Variants in PCSK4 observed in about 807,000 individuals in gnomAD.
PCSK4 encodes testicular tissue protein Li 135.
In PCSK4, 64 loss-of-function variants were observed where a neutral mutation model predicts 80.3. That is an observed-to-expected ratio of 0.80 (90% confidence interval 0.65 to 0.98). The LOEUF (loss-of-function observed/expected upper bound fraction) is 0.98, where lower values mean the gene tolerates loss of function less well. PCSK4 is among the 50% of genes least tolerant of loss of function. PCSK4 has a pLI of 0.00. For synonymous variants in PCSK4, 561 were observed against 487.6 expected (o/e 1.15, Z -1.98); for missense variants, 1,213 against 1,093.6 (o/e 1.11, Z -1.54).
Position 1,481,932 on chromosome 19 carries a change from C to A in PCSK4, c.2095G>T (p.Ala699Ser), listed in dbSNP as rs569257494. 10 of 1,595,620 alleles carry A rather than the reference C, an allele frequency of 6.3e-6. No individual in the cohort carries two copies. In the South Asian group the frequency reaches 9.0e-5, roughly 14 times the overall value. Reference sequence around the variant, plus strand: ...GCTGGGCAGCGGTGGTGGGGACAGGCGGCAGCTCTAAGCCGGGGGCGGCTG... The same window carrying A: ...GCTGGGCAGCGGTGGTGGGGACAGGAGGCAGCTCTAAGCCGGGGGCGGCTG... Residue 699 changes from alanine (A) to serine (S), a missense_variant, in exon 15 of 15, where the codon GCC becomes TCC. Coordinates refer to ENST00000300954, the Ensembl canonical transcript of PCSK4.
At chr19:1,483,623 T>G (rs1410924578) in intron 11 of PCSK4, 27 bp downstream of exon 11, 2 of 1,528,942 alleles carry the variant, frequency 1.3e-6, no homozygotes, top group Non-Finnish European at 1.8e-6. Flanking sequence ...CCAGCGGGGA[T>G]AGCGGAGGGG....
intron 14 of PCSK4, 43 bp downstream of exon 14, chr19:1,482,310 G>A (rs1462647572): frequency 1.3e-5 from 20 of 1,533,146 alleles, no homozygotes; most frequent in East Asian, 2.4e-5. Context: ...CACGGTGGCC[G>A]CCACCGCCTC....
At position 1,488,422 on chromosome 19, in the gene PCSK4, G is replaced by T. The variant is rs556094221; in HGVS notation, c.295-142C>A. On this transcript the variant is annotated intron_variant, in intron 2 of 14. Coordinates refer to ENST00000300954, the Ensembl canonical transcript of PCSK4. ...AGGGTCCCCATGTGCCTGGGGCTCTGTCTGCAGTCGGAAGGGGTCGAGGCT... is the reference window on the plus strand; with the variant it reads ...AGGGTCCCCATGTGCCTGGGGCTCTTTCTGCAGTCGGAAGGGGTCGAGGCT... The T allele has an allele frequency of 6.4e-5, 41 of 642,894 alleles. No individual in the cohort carries two copies. In the East Asian group the frequency reaches 1.1e-3, roughly 18 times the overall value. 39.8% of individuals were successfully genotyped at this position (642,894 alleles called of 1,614,324 possible).
chr19:1,490,415 C>A, upstream of PCSK4: 1 of 617,804 alleles, frequency 1.6e-6, no homozygotes, highest in South Asian at 2.1e-5. Context: ...TGGGCCCAGG[C>A]GTCCGACCCG....
chr19:1,486,931 G>A (rs141320211), exon 8 of PCSK4: 173 of 1,605,510 alleles, frequency 1.1e-4, no homozygotes, highest in Non-Finnish European at 1.3e-4. Context: ...ACCAGGGCAC[G>A]CGGCCCTGCT....
At chr19:1,481,961 G>T (rs1938884149) in exon 15 of PCSK4, 3 of 1,595,168 alleles carry the variant, frequency 1.9e-6, no homozygotes, top group Admixed American at 1.7e-5. Flanking sequence ...GCGGCTGTCG[G>T]GGGTGGTGGG....
chr19:1,483,858 G>C, exon 10 of PCSK4: 1 of 1,496,488 alleles, frequency 6.7e-7, no homozygotes, highest in South Asian at 1.3e-5. Context: ...CACGCCGTTG[G>C]TCCTCCAGTC....
At position 1,483,422 on chromosome 19, in the gene PCSK4, G is replaced by A. The variant is rs750135311; in HGVS notation, c.1433C>T (p.Ala478Val). ...GATGGAGTTGTGGAGGCCGGCGCAGGCCGATACGTTTTCCCTGATGTAGAT... is the reference window on the plus strand; with the variant it reads ...GATGGAGTTGTGGAGGCCGGCGCAGACCGATACGTTTTCCCTGATGTAGAT... Residue 478 changes from alanine (A) to valine (V), a missense_variant, in exon 12 of 15, where the codon GCC becomes GTC. Physicochemically the swap from Ala to Val is moderately conservative, Grantham distance 64. Coordinates refer to ENST00000300954, the Ensembl canonical transcript of PCSK4. The A allele has an allele frequency of 5.0e-6, 8 of 1,601,000 alleles. No homozygotes were observed. Among genetic ancestry groups the A allele is most frequent in the African/African-American group, 1.3e-5 (1 of 74,872 alleles).
chr19:1,486,987 C>T (rs770160980), exon 8 of PCSK4: 54 of 1,609,738 alleles, frequency 3.4e-5, no homozygotes, highest in Admixed American at 1.3e-4. Flanking sequence ...TTGGTGTAGC[C>T]GTCGCAGTTG....
rs765242915 is a variant in PCSK4, at chr19:1,483,825, G to A, written c.1273+13C>T. On this transcript the variant is annotated intron_variant, in intron 10 of 14. Coordinates refer to ENST00000300954, the Ensembl canonical transcript of PCSK4. Reference sequence around the variant, plus strand: ...GGGCCCCGGGTCCCCGCCCCCGCCCGGCCCCGCCGCACCTTGGCGCCCCAC... The same window carrying A: ...GGGCCCCGGGTCCCCGCCCCCGCCCAGCCCCGCCGCACCTTGGCGCCCCAC... The A allele has an allele frequency of 1.3e-6, 2 of 1,487,098 alleles. No individual in the cohort carries two copies. Among genetic ancestry groups the A allele is most frequent in the South Asian group, 1.3e-5 (1 of 77,544 alleles). The allele number at this position is 1,487,098 out of a possible 1,614,324, so 92.1% of individuals were successfully genotyped here.
chr19:1,484,935 A>G (rs1446350411), intron 8 of PCSK4, among the ~76,000 whole-genome samples: 1 of 152,194 alleles, frequency 6.6e-6, no homozygotes, highest in Non-Finnish European at 1.5e-5. Context: ...GTTTGAGCTC[A>G]GGAGTTTGAG....
chr19:1,486,000 T>G (rs1409020484), intron 8 of PCSK4, among the ~76,000 whole-genome samples: 1 of 152,018 alleles, frequency 6.6e-6, no homozygotes, highest in African/African-American at 2.4e-5. Context: ...TGAGACAGGG[T>G]CTCGCTCTGT....
At chr19:1,487,465 C>G in intron 6 of PCSK4, 138 bp downstream of exon 6, 1 of 1,003,974 alleles carries the variant, frequency 1.0e-6, no homozygotes, top group Non-Finnish European at 1.5e-6. Context: ...TCAGCACCCC[C>G]CAAGCCCTGG....
At chr19:1,485,345 C>T (rs2084547569) in intron 8 of PCSK4, among the ~76,000 whole-genome samples, 1 of 151,650 alleles carries the variant, frequency 6.6e-6, no homozygotes, top group Admixed American at 6.6e-5. Context: ...TGGTGGATCG[C>T]TTGACCTGAG....
chr19:1,486,470 G>A (rs1395293719), intron 8 of PCSK4, among the ~76,000 whole-genome samples: 2 of 151,520 alleles, frequency 1.3e-5, no homozygotes, highest in Non-Finnish European at 2.9e-5. Flanking sequence ...CTAATTTTTT[G>A]TATTTTTAGT....
intron 8 of PCSK4, among the ~76,000 whole-genome samples, chr19:1,485,961 TTTTTG>T (rs75510508): frequency 0.49 from 73,910 of 150,552 alleles, 20,040 homozygotes; most frequent in African/African-American, 0.75. Context: ...GCTGGATTTG[TTTTTG>T]TTTTGTTTTG....
exon 5 of PCSK4, chr19:1,487,801 G>A: frequency 6.3e-7 from 1 of 1,577,794 alleles, no homozygotes; most frequent in South Asian, 1.2e-5. Flanking sequence ...TCTTTGCTGG[G>A]GGTGTAGCGG....
chr19:1,488,597 T>C (rs751622019), intron 2 of PCSK4, among the ~76,000 whole-genome samples: 42 of 152,156 alleles, frequency 2.8e-4, no homozygotes, highest in Non-Finnish European at 5.0e-4. Context: ...TTTTCTTTTT[T>C]TGAGACAGAG....
At chr19:1,487,477 G>A in intron 6 of PCSK4, 126 bp downstream of exon 6, 2 of 1,026,968 alleles carry the variant, frequency 1.9e-6, no homozygotes, top group South Asian at 3.0e-5. Flanking sequence ...AAGCCCTGGA[G>A]TCTGGGGCCC....
Sources: gnomAD v4.1 joint callset for allele counts (sites outside exome capture counted in the v4.1 genomes callset) on GRCh38, gnomAD v4.1.1 for gene constraint, MANE v1.5 for transcripts, NCBI Gene and HGNC (gene_info 2026-07-23, HGNC 2026-07-21) for gene names.